CBLN2: variants seen among roughly 807,000 people sequenced by gnomAD.
CBLN2 encodes cerebellin 2 precursor.
In CBLN2, 7 loss-of-function variants were observed where a neutral mutation model predicts 15.0. The ratio of observed to expected loss-of-function variants is 0.47; its 90% CI spans 0.27 to 0.88. The LOEUF is 0.88. CBLN2 is among the 40% of genes least tolerant of loss of function. The pLI is 0.14. For missense variants in CBLN2, 242 were observed against 304.5 expected (o/e 0.79, Z 1.53); for synonymous variants, 149 against 135.2 (o/e 1.10, Z -0.71).
chr18:72,615,426 G>T (rs953618267), intron 1 of CBLN2, among the ~76,000 whole-genome samples: 1 of 150,846 alleles, frequency 6.6e-6, no homozygotes, highest in African/African-American at 2.4e-5. Context: ...ACAGCCATGC[G>T]CCACCATGCC....
At chr18:72,550,903 T>C (rs1481572064) in intron 1 of CBLN2, among the ~76,000 whole-genome samples, 1 of 152,160 alleles carries the variant, frequency 6.6e-6, no homozygotes, top group African/African-American at 2.4e-5. Flanking sequence ...TAAAATGATA[T>C]ACGGCTATAT....
intron 1 of CBLN2, among the ~76,000 whole-genome samples, chr18:72,606,966 C>A (rs566744297): frequency 3.3e-5 from 5 of 152,294 alleles, no homozygotes; most frequent in African/African-American, 1.2e-4. Context: ...ATGTTGAAGT[C>A]CTAATCCCCA....
intron 1 of CBLN2, among the ~76,000 whole-genome samples, chr18:72,570,622 A>G (rs986065062): frequency 1.3e-5 from 2 of 151,802 alleles, no homozygotes; most frequent in African/African-American, 4.8e-5. Context: ...AAAGCACCTC[A>G]CAGCCTTCTT....
At chr18:72,589,385 C>T (rs1758443344) in intron 1 of CBLN2, among the ~76,000 whole-genome samples, 1 of 152,166 alleles carries the variant, frequency 6.6e-6, no homozygotes. Context: ...TCTGTTGAGA[C>T]ACACTGTATT....
At chr18:72,551,376 G>C (rs2069190995) in intron 1 of CBLN2, among the ~76,000 whole-genome samples, 1 of 152,118 alleles carries the variant, frequency 6.6e-6, no homozygotes, top group South Asian at 2.1e-4. Flanking sequence ...AGACTGGTCT[G>C]GGAGATTCTG....
At chr18:72,624,235 A>G (rs532943011) in intron 1 of CBLN2, among the ~76,000 whole-genome samples, 1 of 151,870 alleles carries the variant, frequency 6.6e-6, no homozygotes, top group African/African-American at 2.4e-5. Context: ...ATGGTTAACC[A>G]CAAAGGACCA....
intron 1 of CBLN2, among the ~76,000 whole-genome samples, chr18:72,590,505 T>A (rs2069473634): frequency 6.6e-6 from 1 of 152,118 alleles, no homozygotes; most frequent in Non-Finnish European, 1.5e-5. Flanking sequence ...ATTAATACAA[T>A]CATTGAAATT....
intron 1 of CBLN2, among the ~76,000 whole-genome samples, chr18:72,570,831 T>C (rs1159035616): frequency 6.6e-6 from 1 of 152,150 alleles, no homozygotes; most frequent in Non-Finnish European, 1.5e-5. Context: ...GATTGGCTAC[T>C]AACTTTCTTA....
chr18:72,559,693 A>T lies in CBLN2; in HGVS notation c.16-20921T>A, dbSNP rs577023806. 6.6e-5 allele frequency among the ~76,000 whole-genome samples: 10 copies of T among 152,306 alleles called. No individual in the cohort carries two copies. In the East Asian group the frequency reaches 1.5e-3, roughly 24 times the overall value. On this transcript the variant is annotated intron_variant, in intron 1 of 2. Coordinates refer to the CBLN2 transcript ENST00000581073. ...CATTTAAAATGAATTCACCGCTAAC[A>T]TATCCGTTTGATTTTTTCGAGGATA...
At chr18:72,598,882 C>G (rs1344530770) in intron 1 of CBLN2, among the ~76,000 whole-genome samples, 1 of 152,214 alleles carries the variant, frequency 6.6e-6, no homozygotes, top group Non-Finnish European at 1.5e-5. Context: ...TCTCTCTCCT[C>G]TAAGTGCACA....
intron 1 of CBLN2, among the ~76,000 whole-genome samples, chr18:72,554,467 A>T (rs569601776): frequency 3.3e-5 from 5 of 152,148 alleles, no homozygotes; most frequent in Non-Finnish European, 5.9e-5. Flanking sequence ...TAAGTTCTGG[A>T]GTTTAGAATT....
chr18:72,619,627 G>A (rs2069686260), intron 1 of CBLN2, among the ~76,000 whole-genome samples: 1 of 152,126 alleles, frequency 6.6e-6, no homozygotes, highest in African/African-American at 2.4e-5. Flanking sequence ...TCTTACCAGA[G>A]TAACCTTCTA....
intron 1 of CBLN2, among the ~76,000 whole-genome samples, chr18:72,566,643 T>C (rs2069297046): frequency 6.6e-6 from 1 of 152,110 alleles, no homozygotes; most frequent in Non-Finnish European, 1.5e-5. Context: ...TTACCAAGGC[T>C]GTGGAGGGTA....
At chr18:72,581,027 G>A (rs1352912227) in intron 1 of CBLN2, among the ~76,000 whole-genome samples, 1 of 152,136 alleles carries the variant, frequency 6.6e-6, no homozygotes, top group Non-Finnish European at 1.5e-5. Context: ...TTATGTTTAA[G>A]TCCTTGGCTT....
chr18:72,577,938 A>G (rs1223655030), intron 1 of CBLN2, among the ~76,000 whole-genome samples: 1 of 152,250 alleles, frequency 6.6e-6, no homozygotes, highest in Non-Finnish European at 1.5e-5. Flanking sequence ...ATCGATGAAT[A>G]ATGATATGTT....
chr18:72,626,511 C>A (rs2069740467), intron 1 of CBLN2, among the ~76,000 whole-genome samples: 1 of 151,890 alleles, frequency 6.6e-6, no homozygotes, highest in South Asian at 2.1e-4. Context: ...ACCAGCCTGG[C>A]CAACATGGTA....
intron 1 of CBLN2, among the ~76,000 whole-genome samples, chr18:72,604,264 C>A (rs1000460002): frequency 1.3e-5 from 2 of 152,124 alleles, no homozygotes; most frequent in Non-Finnish European, 2.9e-5. Context: ...CTAATTAAAG[C>A]AATGCTTCAT....
At chr18:72,625,356 T>C (rs995179005) in intron 1 of CBLN2, 17 of 152,070 alleles carry the variant, frequency 1.1e-4, no homozygotes, top group African/African-American at 3.9e-4. Context: ...AGCCTTTCTG[T>C]CCCTCCTCCT....
intron 1 of CBLN2, among the ~76,000 whole-genome samples, chr18:72,582,518 A>G (rs1367730248): frequency 2.6e-5 from 4 of 152,170 alleles, no homozygotes; most frequent in African/African-American, 4.8e-5. Context: ...ATATGAGGCG[A>G]GAGATGTGAA....
Sources: allele counts gnomAD v4.1 joint callset (sites outside exome capture counted in the v4.1 genomes callset), GRCh38; gene constraint gnomAD v4.1.1; transcripts MANE v1.5; gene names NCBI Gene and HGNC (gene_info 2026-07-23, HGNC 2026-07-21).